PPRC1: variants seen among roughly 807,000 people sequenced by gnomAD.
The protein encoded by PPRC1 is peroxisome proliferator-activated receptor gamma coactivator-related protein 1.
In PPRC1, 23 loss-of-function variants were observed where a neutral mutation model predicts 132.5. The observed-to-expected ratio is 0.17, with a 90% confidence interval of 0.12 to 0.25. PPRC1 has a LOEUF of 0.25. PPRC1 is among the 10% of genes least tolerant of loss of function. The pLI is 1.00. For missense variants in PPRC1, 2,006 were observed against 2,089.1 expected, an observed-to-expected ratio of 0.96 and a Z score of 0.78; for synonymous variants, 872 against 833.5, an observed-to-expected ratio of 1.05 and a Z score of -0.80.
At chr10:102,128,870 TC>T (rs1317525253), upstream of PPRC1, among the ~76,000 whole-genome samples, 3 of 142,288 alleles carry the variant, frequency 2.1e-5, no homozygotes, top group Admixed American at 1.4e-4. Context: ...CGCCTCGGCC[TC>T]CCAAAGTGCT....
the PPRC1 span, among the ~76,000 whole-genome samples, chr10:102,122,461 C>T: frequency 1.1e-4 from 15 of 135,268 alleles, no homozygotes; most frequent in African/African-American, 3.7e-4. Context: ...TTCTTTCTGC[C>T]CTTTTTTTTT....
chr10:102,146,445 G>A (rs2069248745), intron 8 of PPRC1, among the ~76,000 whole-genome samples: 1 of 152,150 alleles, frequency 6.6e-6, no homozygotes, highest in Non-Finnish European at 1.5e-5. Flanking sequence ...GGTAGTGAGA[G>A]GATGAGGGCT....
chr10:102,139,035 G>A (rs2068835207), intron 4 of PPRC1, 55 bp downstream of exon 4: 2 of 1,602,722 alleles, frequency 1.2e-6, no homozygotes, highest in Admixed American at 1.7e-5. Context: ...GGAGTGTGTG[G>A]GGACAGGTCT....
chr10:102,131,553 A>G (rs1211984850), upstream of PPRC1, among the ~76,000 whole-genome samples: 2 of 152,246 alleles, frequency 1.3e-5, no homozygotes, highest in Non-Finnish European at 2.9e-5. Flanking sequence ...TTTCATGGAA[A>G]CTATTCCACA....
Position 102,141,913 on chromosome 10 carries a change from C to T in PPRC1, c.3405C>T (p.Val1135=). The change falls in exon 5 of 14, where the codon GTC becomes GTT. Residue 1135 remains valine (V), a synonymous_variant. Transcript: ENST00000278070. ...GCACTGTCCCCAAGCTGCCTGCTGT[C>T]CACCCAGCCCGTCTAAGGAAGCTGT... The part of the protein sequence containing the change: ...RQSTVPKLPA[V]HPARLRKLSF... 6.2e-7 allele frequency: 1 copy of T among 1,614,168 alleles called. No individual in the cohort carries two copies. Among genetic ancestry groups the T allele is most frequent in the Non-Finnish European group, 8.5e-7 (1 of 1,180,020 alleles).
the PPRC1 span, among the ~76,000 whole-genome samples, chr10:102,123,655 T>C: frequency 6.6e-6 from 1 of 151,890 alleles, no homozygotes; most frequent in African/African-American, 2.4e-5. Flanking sequence ...CTCAGCCTCC[T>C]GAGTAGCTGG....
chr10:102,149,447 A>G, intron 13 of PPRC1, 118 bp downstream of exon 13: 1 of 1,249,304 alleles, frequency 8.0e-7, no homozygotes, highest in Non-Finnish European at 1.1e-6. Flanking sequence ...AAAGAACCCA[A>G]GGGGGCTGGG....
chr10:102,132,945 G>A (rs1284553017), upstream of PPRC1: 4 of 1,217,974 alleles, frequency 3.3e-6, 1 homozygote, highest in South Asian at 1.3e-4. Context: ...AGTGGGTCTC[G>A]CCGCACGGCT....
intron 6 of PPRC1, 60 bp from the exon 7 acceptor site, chr10:102,144,190 C>A: frequency 6.5e-7 from 1 of 1,548,754 alleles, no homozygotes; most frequent in Non-Finnish European, 8.9e-7. Context: ...GCAAGCCCTT[C>A]TGTGCCGCCT....
Position 102,139,196 on chromosome 10 carries a change from T to C in PPRC1, c.688T>C (p.Ser230Pro). 1 of 1,613,960 alleles carries C rather than the reference T, an allele frequency of 6.2e-7. No homozygotes were observed. The highest frequency in any genetic ancestry group is 1.1e-5 in the South Asian group (1 of 91,064). The change falls in exon 5 of 14, where the codon TCA (serine) becomes CCA (proline). Residue 230 changes from serine to proline, a missense_variant. Ser to Pro is a moderately conservative substitution (Grantham distance 74). Coordinates refer to ENST00000278070, the MANE Select transcript of PPRC1 (RefSeq NM_015062.5). The stretch of plus-strand genomic sequence containing the variant: ...GCTTCCTAGCTGGAGACCCCCAAGA[T>C]CAAGACCACGCTGGGGCCAATCCCC... ...PKLPSWRPPR[S>P]RPRWGQSPPP...
chr10:102,133,590 T>C (rs2068604575), intron 1 of PPRC1, among the ~76,000 whole-genome samples: 2 of 151,712 alleles, frequency 1.3e-5, no homozygotes, highest in Non-Finnish European at 2.9e-5. Context: ...GGGGGAGCAA[T>C]TTTCCCGGGA....
At chr10:102,130,313 A>G (rs2068520234), upstream of PPRC1, among the ~76,000 whole-genome samples, 1 of 142,944 alleles carries the variant, frequency 7.0e-6, no homozygotes, top group African/African-American at 2.6e-5. Context: ...GCTGCTGGGG[A>G]GGCTGAGGCA....
intron 6 of PPRC1, among the ~76,000 whole-genome samples, chr10:102,143,774 T>A (rs1365348993): frequency 6.6e-6 from 1 of 152,194 alleles, no homozygotes; most frequent in Admixed American, 6.5e-5. Flanking sequence ...TATGGCACAT[T>A]TGAAAGGCAA....
chr10:102,140,413 C>A lies in PPRC1; in HGVS notation c.1905C>A (p.Val635=), dbSNP rs267602342. The change falls in exon 5 of 14, where the codon GTC becomes GTA. Residue 635 remains valine, a synonymous_variant. Transcript: ENST00000278070. ...LPAEPVLINP[V]LADSAAVDPA... ...CTGAGCCAGTGCTGATCAACCCAGT[C>A]CTGGCTGACTCAGCAGCAGTTGACC... is the stretch of plus-strand genomic sequence containing the variant. 1 of 1,614,042 alleles carries A rather than the reference C, an allele frequency of 6.2e-7. No homozygotes were observed. Among genetic ancestry groups the A allele is most frequent in the Non-Finnish European group, 8.5e-7 (1 of 1,180,034 alleles).
In PPRC1 at chr10:102,148,398, C is replaced by G. The variant is rs1564958756; in HGVS notation, c.4427C>G (p.Ser1476Cys). 1 of 1,613,164 alleles carries G rather than the reference C, an allele frequency of 6.2e-7. No individual in the cohort carries two copies. Among genetic ancestry groups the G allele is most frequent in the Non-Finnish European group, 8.5e-7 (1 of 1,179,522 alleles). ...RRSSCSSSGR[S>C]RRCSSSSSSS... ...TCCAGCTGTAGTTCCTCTGGACGTT[C>G]TCGAAGATGCTCTTCCTCTTCTTCG... The change falls in exon 10 of 14, where the codon TCT becomes TGT. Residue 1476 changes from serine to cysteine, a missense_variant. Coordinates refer to ENST00000278070, the MANE Select transcript of PPRC1 (RefSeq NM_015062.5). The surrounding 1 kb of genome is among the most constrained non-coding windows in gnomAD (Gnocchi z 4.2).
At chr10:102,149,122 C>G (rs1467167412) in intron 12 of PPRC1, 56 bp from the exon 13 acceptor site, 31 of 1,536,706 alleles carry the variant, frequency 2.0e-5, no homozygotes, top group Non-Finnish European at 2.5e-5. Context: ...TGTGTCTCCT[C>G]TATGGCATGG....
the PPRC1 span, among the ~76,000 whole-genome samples, chr10:102,124,613 TTACAGGCG>T: frequency 1.3e-5 from 2 of 151,628 alleles, no homozygotes; most frequent in East Asian, 3.9e-4. Context: ...AGTGTTGGGA[TTACAGGCG>T]TGAGCCACTG....
chr10:102,123,309 A>G, the PPRC1 span, among the ~76,000 whole-genome samples: 1 of 151,980 alleles, frequency 6.6e-6, no homozygotes, highest in Non-Finnish European at 1.5e-5. Flanking sequence ...ATCTCTGGGA[A>G]TTGTGGTATA....
Position 102,139,774 on chromosome 10 carries a change from G to A in PPRC1, c.1266G>A (p.Leu422=). 4 of 1,614,188 alleles carry A rather than the reference G, an allele frequency of 2.5e-6. No individual in the cohort carries two copies. The highest frequency in any genetic ancestry group is 3.4e-6 in the Non-Finnish European group (4 of 1,180,040). Reference sequence around the variant, plus strand: ...TGTCATTGAACTCAGAGGAGAAGCTGGACTCAGCCTGCTTATTGAAGCCCA... The same window carrying A: ...TGTCATTGAACTCAGAGGAGAAGCTAGACTCAGCCTGCTTATTGAAGCCCA... The part of the protein sequence containing the change: ...EGLSLNSEEK[L]DSACLLKPRE... The change falls in exon 5 of 14, where the codon CTG becomes CTA. Residue 422 remains leucine (L), a synonymous_variant. Transcript: ENST00000278070.
Sources: allele counts gnomAD v4.1 joint callset (sites outside exome capture counted in the v4.1 genomes callset), GRCh38; gene constraint gnomAD v4.1.1; non-coding constraint Gnocchi (gnomAD v3.1); transcripts MANE v1.5; gene names NCBI Gene and HGNC (gene_info 2026-07-23, HGNC 2026-07-21).